TMEM132D: variants seen among roughly 807,000 people sequenced by gnomAD.
TMEM132D encodes the protein transmembrane protein 132D.
In TMEM132D, 21 loss-of-function variants were observed where a neutral mutation model predicts 62.3. The observed-to-expected ratio is 0.34, with a 90% CI of 0.24 to 0.49. The LOEUF is 0.49. Among genes scored for constraint, TMEM132D ranks in the 20% least tolerant of loss-of-function variants. The probability of loss-of-function intolerance (pLI) is 0.99; values close to 1 mark genes in which losing one functional copy is unlikely to be tolerated. For synonymous variants in TMEM132D, 621 were observed against 575.6 expected (o/e 1.08, Z -1.13); for missense variants, 1,346 against 1,402.8 (o/e 0.96, Z 0.65).
At chr12:129,790,442 G>A (rs894851802) in intron 1 of TMEM132D, among the ~76,000 whole-genome samples, 2 of 152,302 alleles carry the variant, frequency 1.3e-5, no homozygotes, top group South Asian at 2.1e-4. Flanking sequence ...GAGCTGAAAA[G>A]GGCTTGGAGT....
intron 5 of TMEM132D, among the ~76,000 whole-genome samples, chr12:129,133,779 C>T (rs1048043561): frequency 1.3e-5 from 2 of 152,242 alleles, no homozygotes; most frequent in Admixed American, 1.3e-4. Flanking sequence ...AGTGAAGTAC[C>T]TCATTTCCTT....
At chr12:129,179,659 T>TATTTATTTA (rs1346498905) in intron 5 of TMEM132D, among the ~76,000 whole-genome samples, 5 of 152,168 alleles carry the variant, frequency 3.3e-5, no homozygotes. Flanking sequence ...GAAACTTGGT[T>TATTTATTTA]ATTTATTTAT....
At chr12:129,309,625 G>A (rs1881925145) in intron 4 of TMEM132D, among the ~76,000 whole-genome samples, 1 of 152,142 alleles carries the variant, frequency 6.6e-6, no homozygotes, top group Non-Finnish European at 1.5e-5. Flanking sequence ...TGCTGGGTCT[G>A]TGAAATGGGA....
intron 4 of TMEM132D, among the ~76,000 whole-genome samples, chr12:129,308,203 G>C (rs1463838297): frequency 4.6e-5 from 7 of 152,112 alleles, no homozygotes; most frequent in Non-Finnish European, 1.0e-4. Context: ...ATATGTTAAA[G>C]CATGCTGTTT....
At chr12:129,587,735 A>G (rs1593077354) in intron 2 of TMEM132D, among the ~76,000 whole-genome samples, 1 of 152,172 alleles carries the variant, frequency 6.6e-6, no homozygotes, top group Non-Finnish European at 1.5e-5. Context: ...CAGTTTCCAC[A>G]AAGGAGCCGT....
At chr12:129,170,983 G>A (rs139364225) in intron 5 of TMEM132D, among the ~76,000 whole-genome samples, 1 of 152,230 alleles carries the variant, frequency 6.6e-6, no homozygotes, top group African/African-American at 2.4e-5. Context: ...ACAACAATGA[G>A]GTTTGCTGCA....
At chr12:129,675,164 A>G (rs1486234207) in intron 2 of TMEM132D, among the ~76,000 whole-genome samples, 1 of 152,194 alleles carries the variant, frequency 6.6e-6, no homozygotes, top group Non-Finnish European at 1.5e-5. Context: ...TACAAAGCTT[A>G]TTGAAAATTA....
chr12:129,605,604 T>TATATATATATATAC (rs150550863), intron 2 of TMEM132D, among the ~76,000 whole-genome samples: 26 of 106,308 alleles, frequency 2.4e-4, no homozygotes, highest in African/African-American at 3.9e-4. Flanking sequence ...TATATATATA[T>TATATATATATATAC]ACACACACAT....
At chr12:129,343,463 T>A in intron 3 of TMEM132D, among the ~76,000 whole-genome samples, 1 of 151,982 alleles carries the variant, frequency 6.6e-6, no homozygotes, top group Non-Finnish European at 1.5e-5. Context: ...CATTAGGAGA[T>A]ATACCTAATG....
chr12:129,512,148 C>T (rs147553574), intron 3 of TMEM132D, among the ~76,000 whole-genome samples: 2 of 152,196 alleles, frequency 1.3e-5, no homozygotes, highest in South Asian at 2.1e-4. Context: ...CCTAATAAGA[C>T]CATGATCCAA....
In TMEM132D at chr12:129,757,395, AC is replaced by A. The variant is rs1474922488; in HGVS notation, c.80-56698del. Among the ~76,000 whole-genome samples, 6 of 152,176 alleles carry A rather than the reference AC, an allele frequency of 3.9e-5. No individual in the cohort carries two copies. In the East Asian group the frequency reaches 1.2e-3, roughly 29 times the overall value. On this transcript the variant is annotated intron_variant, in intron 1 of 8. Coordinates refer to ENST00000422113, the MANE Select transcript of TMEM132D (RefSeq NM_133448.3). Reference sequence around the variant, plus strand: ...AAAGGTTGCCAATTTTGTTTTTCTGACTGCGTATCTGTGGTTTCAAATACCA... The same window carrying A: ...AAAGGTTGCCAATTTTGTTTTTCTGATGCGTATCTGTGGTTTCAAATACCA...
intron 4 of TMEM132D, among the ~76,000 whole-genome samples, chr12:129,322,576 T>C (rs1453410685): frequency 6.6e-6 from 1 of 152,130 alleles, no homozygotes; most frequent in Admixed American, 6.5e-5. Flanking sequence ...TATCTCCCAA[T>C]TTTATTACTA....
At chr12:129,355,514 T>C (rs1273115789) in intron 3 of TMEM132D, among the ~76,000 whole-genome samples, 3 of 152,056 alleles carry the variant, frequency 2.0e-5, no homozygotes, top group Admixed American at 2.0e-4. Context: ...TTGGTAAAAT[T>C]TTGAAAACAA....
intron 3 of TMEM132D, among the ~76,000 whole-genome samples, chr12:129,448,674 A>G (rs1350327702): frequency 1.3e-5 from 2 of 152,186 alleles, no homozygotes; most frequent in Admixed American, 1.3e-4. Flanking sequence ...GTATATAATA[A>G]ATAGTGAAGT....
chr12:129,470,905 T>G (rs1017336628), intron 3 of TMEM132D, among the ~76,000 whole-genome samples: 1 of 152,072 alleles, frequency 6.6e-6, no homozygotes, highest in Non-Finnish European at 1.5e-5. Flanking sequence ...CAAAAGTTGG[T>G]CTGTGGAATA....
At chr12:129,766,632 T>C (rs10773703) in intron 1 of TMEM132D, among the ~76,000 whole-genome samples, 144,081 of 152,200 alleles carry the variant, frequency 0.95, 68,477 homozygotes, top group Non-Finnish European at 1. Flanking sequence ...AGGGAGATAA[T>C]GCTTGTCTCC....
chr12:129,823,413 CAA>C (rs2137327023), intron 1 of TMEM132D, among the ~76,000 whole-genome samples: 1 of 152,356 alleles, frequency 6.6e-6, no homozygotes, highest in South Asian at 2.1e-4. Context: ...ATTTTTTATA[CAA>C]AGAGTTTAGG....
chr12:129,727,742 G>A (rs1424031572), intron 1 of TMEM132D, among the ~76,000 whole-genome samples: 1 of 152,038 alleles, frequency 6.6e-6, no homozygotes, highest in Non-Finnish European at 1.5e-5. Context: ...TGATTCAAAT[G>A]TGGAATGTGA....
At chr12:129,274,466 G>GCACCC (rs1880948947) in intron 4 of TMEM132D, among the ~76,000 whole-genome samples, 1 of 152,160 alleles carries the variant, frequency 6.6e-6, no homozygotes, top group Admixed American at 6.5e-5. Context: ...TGCCCATATG[G>GCACCC]TCTCACAACC....
Sources: allele counts gnomAD v4.1 joint callset (sites outside exome capture counted in the v4.1 genomes callset), GRCh38; gene constraint gnomAD v4.1.1; transcripts MANE v1.5; gene names NCBI Gene and HGNC (gene_info 2026-07-23, HGNC 2026-07-21).